STIM1: variants seen among roughly 807,000 people sequenced by gnomAD.
STIM1 encodes stromal interaction molecule 1.
A neutral mutation model predicts 74.7 loss-of-function variants in STIM1; 25 were observed. That is an observed-to-expected ratio of 0.33 (90% CI 0.24 to 0.47). The LOEUF is 0.47. STIM1 is among the 20% of genes least tolerant of loss of function. The pLI is 1.00. For synonymous variants in STIM1, 328 were observed against 348.8 expected, an observed-to-expected ratio of 0.94 and a Z score of 0.66; for missense variants, 728 against 920.8, an observed-to-expected ratio of 0.79 and a Z score of 2.71.
intron 11 of STIM1, among the ~76,000 whole-genome samples, 187 bp downstream of exon 11, chr11:4,084,952 G>C (rs900773074): frequency 6.6e-6 from 1 of 152,142 alleles, no homozygotes; most frequent in Non-Finnish European, 1.5e-5. Flanking sequence ...CTTGGCAAGA[G>C]CTGGACAGAG....
At chr11:3,918,549 GAA>G (rs1452459392) in intron 1 of STIM1, among the ~76,000 whole-genome samples, 7 of 148,720 alleles carry the variant, frequency 4.7e-5, no homozygotes, top group Non-Finnish European at 1.0e-4. Context: ...AAAAAAGAAA[GAA>G]AGAAAGAAAG....
At chr11:3,906,985 C>G (rs1007249903) in intron 1 of STIM1, among the ~76,000 whole-genome samples, 2 of 152,140 alleles carry the variant, frequency 1.3e-5, no homozygotes, top group Non-Finnish European at 2.9e-5. Flanking sequence ...CTACTTAACA[C>G]CAGCGTGCCT....
At chr11:4,060,695 T>C (rs1565163816) in intron 5 of STIM1, among the ~76,000 whole-genome samples, 1 of 152,214 alleles carries the variant, frequency 6.6e-6, no homozygotes, top group Non-Finnish European at 1.5e-5. Flanking sequence ...GAGCACATTC[T>C]ATGTACCAGC....
chr11:4,037,767 C>T (rs1022184886), intron 3 of STIM1, among the ~76,000 whole-genome samples: 5 of 151,838 alleles, frequency 3.3e-5, no homozygotes, highest in African/African-American at 7.3e-5. Context: ...AGACCATTTA[C>T]GTTTGGTGTG....
chr11:3,920,820 G>C (rs534798330), intron 1 of STIM1, among the ~76,000 whole-genome samples: 1 of 150,688 alleles, frequency 6.6e-6, no homozygotes, highest in East Asian at 1.9e-4. Context: ...TTTTGAGATG[G>C]AGCCTTGTTC....
chr11:3,941,902 C>T (rs61897167), intron 1 of STIM1, among the ~76,000 whole-genome samples: 4,397 of 151,982 alleles, frequency 0.029, 183 homozygotes, highest in East Asian at 0.18. Flanking sequence ...ACAGACTGGT[C>T]TTGAACTCCT....
chr11:3,914,195 C>A (rs1358835105), intron 1 of STIM1, among the ~76,000 whole-genome samples: 2 of 152,048 alleles, frequency 1.3e-5, no homozygotes, highest in African/African-American at 4.8e-5. Context: ...TTTGCCTATT[C>A]TAGATATTTA....
At chr11:3,871,361 A>C (rs1421780154) in intron 1 of STIM1, among the ~76,000 whole-genome samples, 1 of 152,230 alleles carries the variant, frequency 6.6e-6, no homozygotes, top group Admixed American at 6.5e-5. Flanking sequence ...TGCTGATCAG[A>C]GTGCTTGGAG....
chr11:4,039,628 AT>A (rs1009138872), intron 3 of STIM1, among the ~76,000 whole-genome samples: 10 of 147,130 alleles, frequency 6.8e-5, no homozygotes, highest in Admixed American at 2.1e-4. Flanking sequence ...AATGTCAGTG[AT>A]TTTTTTTTCA....
intron 2 of STIM1, among the ~76,000 whole-genome samples, chr11:4,001,509 T>A (rs549259446): frequency 6.6e-6 from 1 of 152,196 alleles, no homozygotes; most frequent in South Asian, 2.1e-4. Context: ...GCAGGAGAAA[T>A]AAAATACTTT....
At position 3,870,902 on chromosome 11, in the gene STIM1, C is replaced by A. The variant is rs577639630; in HGVS notation, c.139+14493C>A. ...TTTTTTTTTTTTTTTGAGATGAAGT[C>A]TTGCTCTGTCGCCAGGCTGGAGTGC... On this transcript the variant is annotated intron_variant, in intron 1 of 12. Transcript: ENST00000526596. Among the ~76,000 whole-genome samples, 30 of 111,824 alleles carry A rather than the reference C, an allele frequency of 2.7e-4. No individual in the cohort carries two copies. In the East Asian group the frequency reaches 8.3e-3, roughly 31 times the overall value. 73.4% of individuals were successfully genotyped at this position (111,824 alleles called of 152,430 possible).
At chr11:4,091,131 C>G in intron 12 of STIM1, 151 bp from the exon 13 acceptor site, 1 of 1,032,776 alleles carries the variant, frequency 9.7e-7, no homozygotes, top group Admixed American at 1.7e-5. Context: ...TCCCACCTGC[C>G]TGTTCATCCT....
At chr11:3,971,115 C>T (rs535279122) in intron 2 of STIM1, among the ~76,000 whole-genome samples, 1 of 152,124 alleles carries the variant, frequency 6.6e-6, no homozygotes, top group South Asian at 2.1e-4. Context: ...GTGGCTGACA[C>T]CTATAATCCC....
chr11:4,034,499 A>G (rs191464661), intron 3 of STIM1, among the ~76,000 whole-genome samples: 186 of 152,268 alleles, frequency 1.2e-3, no homozygotes, highest in African/African-American at 4.3e-3. Context: ...ATAATGTATT[A>G]TCCTTTCACT....
chr11:4,045,243 C>T (rs1265549593), intron 3 of STIM1, among the ~76,000 whole-genome samples: 3 of 152,048 alleles, frequency 2.0e-5, no homozygotes, highest in Non-Finnish European at 2.9e-5. Context: ...TGGATGAGGT[C>T]GACTTCCCTT....
At chr11:4,016,345 A>G (rs952664148) in intron 2 of STIM1, among the ~76,000 whole-genome samples, 3 of 152,194 alleles carry the variant, frequency 2.0e-5, no homozygotes, top group Admixed American at 6.5e-5. Flanking sequence ...GGTCCACTCC[A>G]GACCCTGTTT....
intron 6 of STIM1, among the ~76,000 whole-genome samples, chr11:4,073,894 A>G (rs2094421424): frequency 7.6e-6 from 1 of 131,680 alleles, no homozygotes; most frequent in Non-Finnish European, 1.7e-5. Flanking sequence ...TCAGGAGTCC[A>G]AGAGGACTCC....
At chr11:3,944,315 G>A (rs2093045993) in intron 1 of STIM1, among the ~76,000 whole-genome samples, 1 of 152,158 alleles carries the variant, frequency 6.6e-6, no homozygotes, top group Non-Finnish European at 1.5e-5. Context: ...CTGATGGAGG[G>A]GAATGTTTCC....
intron 1 of STIM1, among the ~76,000 whole-genome samples, chr11:3,874,594 A>G (rs1259260141): frequency 3.3e-5 from 5 of 152,232 alleles, no homozygotes. Flanking sequence ...TATCCTTTTA[A>G]GCCGCTAAGT....
Sources: allele counts gnomAD v4.1 joint callset (sites outside exome capture counted in the v4.1 genomes callset), GRCh38; gene constraint gnomAD v4.1.1; transcripts MANE v1.5; gene names NCBI Gene and HGNC (gene_info 2026-07-23, HGNC 2026-07-21).